The following COL5A3 variants were observed in gnomAD, a reference collection of about 807,000 sequenced individuals.
COL5A3 encodes collagen alpha-3(V) chain.
Under a neutral mutation model 250.0 loss-of-function variants are expected in COL5A3, and 172 were observed. The observed-to-expected ratio is 0.69, with a 90% confidence interval of 0.61 to 0.78. COL5A3 has a LOEUF of 0.78. Among genes scored for constraint, COL5A3 ranks in the 30% least tolerant of loss-of-function variants. The pLI, the probability that COL5A3 is intolerant of heterozygous loss-of-function variation, is 0.00. For synonymous variants in COL5A3, 937 were observed against 900.4 expected (o/e 1.04, Z -0.73); for missense variants, 2,340 against 2,334.4 (o/e 1.00, Z -0.05).
At position 9,994,165 on chromosome 19, in the gene COL5A3, A is replaced by G. The variant is rs141074834; in HGVS notation, c.1588-359T>C. On this transcript the variant is annotated intron_variant, in intron 16 of 66. Transcript: ENST00000264828. ...CATGAGCCACCATGCCAAGGCTAAG[A>G]TATTATTTTTTTTAATTTATTTATG... Among the ~76,000 whole-genome samples, 193 of 147,058 alleles carry G rather than the reference A, an allele frequency of 1.3e-3. 5 individuals are homozygous for G. Among genetic ancestry groups the G allele is most frequent in the Admixed American group, 0.011 (163 of 14,996 alleles).
chr19:9,972,536 T>C (rs1480516475), intron 51 of COL5A3, among the ~76,000 whole-genome samples: 1 of 152,202 alleles, frequency 6.6e-6, no homozygotes, highest in African/African-American at 2.4e-5. Flanking sequence ...AATCCCTGGC[T>C]AGAAGTCTGG....
chr19:10,005,738 G>C lies in COL5A3; in HGVS notation c.438-24C>G, dbSNP rs534098987. On this transcript the variant is annotated intron_variant, in intron 3 of 66. Transcript: ENST00000264828. ...ACCTGCAAGGGGACGGCCTCAGTGC[G>C]GGTGCTTCTCACCCCACCCCTTATC... The C allele has an allele frequency of 3.1e-6, 5 of 1,600,290 alleles. No individual in the cohort carries two copies. In the South Asian group the frequency reaches 5.6e-5, roughly 18 times the overall value.
chr19:9,982,669 C>T (rs954117669), intron 31 of COL5A3, among the ~76,000 whole-genome samples: 1 of 152,144 alleles, frequency 6.6e-6, no homozygotes, highest in Admixed American at 6.5e-5. Context: ...CCTTCCTCCA[C>T]CTGGGGGAAG....
Position 9,986,770 on chromosome 19 carries a change from A to AAT in COL5A3, c.2146-13_2146-12insAT, listed in dbSNP as rs780141867. On this transcript the variant is annotated splice_polypyrimidine_tract_variant and intron_variant, in intron 27 of 66. Transcript: ENST00000264828. ...TTGCCTGAAGTGCCCTGGAAAATAA[A>AAT]AAAAAAAAGCTCTCAAGCCTCTTCC... is the stretch of plus-strand genomic sequence containing the variant. The AAT allele has an allele frequency of 2.4e-5, 38 of 1,611,608 alleles. 1 individual carries two copies. Among genetic ancestry groups the AAT allele is most frequent in the African/African-American group, 1.5e-4 (11 of 74,334 alleles).
Position 9,960,904 on chromosome 19 carries a change from G to A in COL5A3, c.4852-14C>T, listed in dbSNP as rs748539970. 6.2e-7 allele frequency: 1 copy of A among 1,600,072 alleles called. No individual in the cohort carries two copies. Among genetic ancestry groups the A allele is most frequent in the South Asian group, 1.1e-5 (1 of 90,972 alleles). ...CACGTAGGAGAACTGGTGAGAGGAG[G>A]GCAAGGCAGAGGATGAGGGGCTCCA... On this transcript the variant is annotated splice_polypyrimidine_tract_variant and intron_variant, in intron 65 of 66. Transcript: ENST00000264828.
At chr19:9,973,679 G>A in intron 49 of COL5A3, 56 bp from the exon 50 acceptor site, 1 of 1,610,132 alleles carries the variant, frequency 6.2e-7, no homozygotes, top group Non-Finnish European at 8.5e-7. Flanking sequence ...ACAGGGAGGG[G>A]CTCCCCAGAA....
Position 9,974,974 on chromosome 19 carries a change from T to A in COL5A3, c.3343-566A>T, listed in dbSNP as rs1280655230. ...GTGCAGTGGCGCAATCTCTGCTCAC[T>A]GCAACCTCTGCCTCCCTGGTTCAAG... On this transcript the variant is annotated intron_variant, in intron 45 of 66. Coordinates refer to ENST00000264828, the MANE Select transcript of COL5A3 (RefSeq NM_015719.4). Among the ~76,000 whole-genome samples, 3 of 152,112 alleles carry A rather than the reference T, an allele frequency of 2.0e-5. No individual in the cohort carries two copies. The South Asian group carries it at 6.2e-4, about 32-fold the overall frequency.
In COL5A3 at chr19:9,986,773, A is replaced by T; in HGVS notation, c.2146-15T>A. ...CCTGAAGTGCCCTGGAAAATAAAAAAAAAAAGCTCTCAAGCCTCTTCCCTG... is the reference window on the plus strand; with the variant it reads ...CCTGAAGTGCCCTGGAAAATAAAAATAAAAAGCTCTCAAGCCTCTTCCCTG... On this transcript the variant is annotated splice_polypyrimidine_tract_variant and intron_variant, in intron 27 of 66. Transcript: ENST00000264828. 6.2e-7 allele frequency: 1 copy of T among 1,613,074 alleles called. No homozygotes were observed. The highest frequency in any genetic ancestry group is 8.5e-7 in the Non-Finnish European group (1 of 1,179,752).
intron 40 of COL5A3, 78 bp from the exon 41 acceptor site, chr19:9,978,705 C>T (rs976631486): frequency 7.8e-6 from 8 of 1,026,650 alleles, no homozygotes; most frequent in Admixed American, 5.5e-5. Flanking sequence ...GGGGAGCTCA[C>T]AGTCCCCACC....
intron 64 of COL5A3, among the ~76,000 whole-genome samples, chr19:9,965,156 CTTTT>C (rs771519552): frequency 1.0e-5 from 1 of 100,316 alleles, no homozygotes. Context: ...TTTTCTTTTT[CTTTT>C]TTTTTTTTTT....
intron 64 of COL5A3, 80 bp downstream of exon 64, chr19:9,966,234 C>T: frequency 9.4e-7 from 1 of 1,067,924 alleles, no homozygotes. Flanking sequence ...AGGATAACGT[C>T]CCAGACAAGG....
At position 9,979,791 on chromosome 19, in the gene COL5A3, GAAAA is replaced by G. The variant is rs60233060; in HGVS notation, c.2712+44_2712+47del. 105 of 1,338,846 alleles carry G rather than the reference GAAAA, an allele frequency of 7.8e-5. 1 individual carries two copies. In the African/African-American group the frequency reaches 9.9e-4, roughly 13 times the overall value. 82.9% of individuals were successfully genotyped at this position (1,338,846 alleles called of 1,614,324 possible). ...ACAGAGTGAGACTCTGTCTCAAAAA[GAAAA>G]AAAAAAAAAAGGATCAGGAATCAAA... On this transcript the variant is annotated intron_variant, in intron 37 of 66. Coordinates refer to ENST00000264828, the MANE Select transcript of COL5A3 (RefSeq NM_015719.4).
Position 9,980,824 on chromosome 19 carries a change from T to G in COL5A3, c.2541A>C (p.Thr847=), listed in dbSNP as rs76527273. 1.9e-6 allele frequency: 3 copies of G among 1,612,006 alleles called. No individual in the cohort carries two copies. The highest frequency in any genetic ancestry group is 8.5e-7 in the Non-Finnish European group (1 of 1,179,222). Residue 847 remains threonine, a synonymous_variant, in exon 34 of 67, where the codon ACA becomes ACC. Transcript: ENST00000264828. ...SRGERGQPGA[T]GQPGPKGDVG... ...CCCATACCTTGGGGCCTGGTTGCCCTGTGGCACCCGGTTGCCCCCTCTCTC... is the reference window on the plus strand; with the variant it reads ...CCCATACCTTGGGGCCTGGTTGCCCGGTGGCACCCGGTTGCCCCCTCTCTC...
intron 62 of COL5A3, 147 bp from the exon 63 acceptor site, chr19:9,966,893 A>C: frequency 3.1e-6 from 2 of 650,526 alleles, no homozygotes; most frequent in Non-Finnish European, 5.2e-6. Context: ...GAGATAGAGA[A>C]AGGAGAGATA....
chr19:10,004,267 A>G (rs2087408039), intron 4 of COL5A3, 122 bp from the exon 5 acceptor site: 2 of 677,960 alleles, frequency 3.0e-6, no homozygotes, highest in African/African-American at 3.5e-5. Context: ...TCCCCCACCC[A>G]GAGCATGCTA....
In COL5A3 at chr19:9,986,718, T is replaced by C. The variant is rs767025962; in HGVS notation, c.2186A>G (p.Glu729Gly). 1.2e-6 allele frequency: 2 copies of C among 1,613,222 alleles called. No individual in the cohort carries two copies. Among genetic ancestry groups the C allele is most frequent in the Admixed American group, 1.7e-5 (1 of 59,908 alleles). Residue 729 changes from glutamate to glycine, a missense_variant, in exon 28 of 67, where the codon GAG (glutamate) becomes GGG (glycine). Coordinates refer to ENST00000264828, the MANE Select transcript of COL5A3 (RefSeq NM_015719.4). ...GNRGLQGEKG[E>G]KGEDGFPGFK... ...ATGAGTTCCTTCTCTCCTCACCTTC[T>C]CGCCTTTCTCCCCCTGGAGGCCCCG...
At chr19:10,002,017 C>T in intron 6 of COL5A3, 136 bp from the exon 7 acceptor site, 1 of 624,118 alleles carries the variant, frequency 1.6e-6, no homozygotes, top group South Asian at 2.0e-5. Context: ...GCACCAGAGG[C>T]CAATGGAGAC....
Position 9,979,177 on chromosome 19 carries a change from A to G in COL5A3, c.2829T>C (p.Pro943=). 1.9e-6 allele frequency: 3 copies of G among 1,601,438 alleles called. No homozygotes were observed. Among genetic ancestry groups the G allele is most frequent in the East Asian group, 2.2e-5 (1 of 44,816 alleles). The change falls in exon 39 of 67, where the codon CCT becomes CCC. Residue 943 remains proline, a synonymous_variant. Transcript: ENST00000264828. ...CCAGGCCAGGAAGACCTTGTTCACC[A>G]GGAGGTCCAGGGGGGCCTGGAGGCC... is the stretch of plus-strand genomic sequence containing the variant. ...ERGPPGPPGP[P]GEQGLPGLEG...
rs368054777 is a variant in COL5A3 at position 9,996,124 on chromosome 19, G to A, written c.1480-5C>T. 8 of 1,572,366 alleles carry A rather than the reference G, an allele frequency of 5.1e-6. No individual in the cohort carries two copies. Among genetic ancestry groups the A allele is most frequent in the East Asian group, 4.5e-5 (2 of 44,574 alleles). On this transcript the variant is annotated splice_region_variant and splice_polypyrimidine_tract_variant and intron_variant, in intron 14 of 66. Transcript: ENST00000264828. ...ACCTGGATGCCCGGGGAGACCCTTG[G>A]GGGAGGAGAGATGGAGGAGTGTGGG...
Sources: allele counts gnomAD v4.1 joint callset (sites outside exome capture counted in the v4.1 genomes callset), GRCh38; gene constraint gnomAD v4.1.1; transcripts MANE v1.5; gene names NCBI Gene and HGNC (gene_info 2026-07-23, HGNC 2026-07-21).